Variants in URGCP observed in about 807,000 individuals in gnomAD.
The protein encoded by URGCP is upregulator of cell proliferation, also known as up-regulator of cell proliferation.
A neutral mutation model predicts 24.6 loss-of-function variants in URGCP; 13 were observed. That is an observed-to-expected ratio of 0.53 (90% confidence interval 0.34 to 0.84). URGCP has a LOEUF of 0.84. Among genes scored for constraint, URGCP ranks in the 40% least tolerant of loss-of-function variants. The pLI is 0.01. For synonymous variants in URGCP, 444 were observed against 487.2 expected, an observed-to-expected ratio of 0.91 and a Z score of 1.17; for missense variants, 899 against 1,194.3, an observed-to-expected ratio of 0.75 and a Z score of 3.64.
intron 1 of URGCP, among the ~76,000 whole-genome samples, chr7:43,892,734 A>G (rs2132681070): frequency 6.6e-6 from 1 of 152,326 alleles, no homozygotes; most frequent in Middle Eastern, 3.4e-3. Flanking sequence ...GGGGGACACA[A>G]GTCAACACAC....
At chr7:43,922,176 C>G (rs1450363908) in intron 1 of URGCP, among the ~76,000 whole-genome samples, 1 of 152,162 alleles carries the variant, frequency 6.6e-6, no homozygotes, top group Non-Finnish European at 1.5e-5. Context: ...GCGATTCTGC[C>G]TCAGCCTCCC....
At chr7:43,926,660 G>T (rs1260586896), upstream of URGCP, 1 of 1,271,440 alleles carries the variant, frequency 7.9e-7, no homozygotes, top group Non-Finnish European at 1.1e-6. Flanking sequence ...TCCGCGAGTC[G>T]CGGATACACC....
At chr7:43,907,308 A>C (rs879248242), upstream of URGCP, among the ~76,000 whole-genome samples, 1 of 152,222 alleles carries the variant, frequency 6.6e-6, no homozygotes, top group Admixed American at 6.5e-5. Flanking sequence ...GGACAATGTA[A>C]ACCATTGTTG....
upstream of URGCP, among the ~76,000 whole-genome samples, chr7:43,908,569 C>G (rs932102716): frequency 2.6e-5 from 4 of 152,160 alleles, no homozygotes; most frequent in Admixed American, 2.6e-4. Flanking sequence ...CCAGACCCTC[C>G]AAGGAGAACA....
chr7:43,906,737 G>A (rs1187253998), upstream of URGCP: 3 of 242,862 alleles, frequency 1.2e-5, no homozygotes, highest in Non-Finnish European at 2.0e-5. Flanking sequence ...GGGTCCTCTC[G>A]GAGCAGCCCG....
chr7:43,882,060 A>C (rs2095854749), intron 3 of URGCP, 103 bp from the exon 4 acceptor site: 2 of 1,564,192 alleles, frequency 1.3e-6, no homozygotes, highest in Non-Finnish European at 1.7e-6. Context: ...GCACTTTAGG[A>C]GGCTGAACAA....
chr7:43,888,156 G>A, intron 1 of URGCP: 1 of 201,126 alleles, frequency 5.0e-6, no homozygotes, highest in Non-Finnish European at 9.9e-6. Context: ...GTCTGGAAGG[G>A]GTGATCCTGA....
intron 1 of URGCP, among the ~76,000 whole-genome samples, chr7:43,916,051 C>T (rs1198814299): frequency 6.6e-6 from 1 of 152,124 alleles, no homozygotes; most frequent in African/African-American, 2.4e-5. Flanking sequence ...AACTCATTTG[C>T]ATAAGAATAA....
At chr7:43,915,906 G>A (rs1308562536) in intron 1 of URGCP, among the ~76,000 whole-genome samples, 1 of 152,178 alleles carries the variant, frequency 6.6e-6, no homozygotes, top group Non-Finnish European at 1.5e-5. Context: ...CTACTCGGGA[G>A]GCTGAGGCAG....
At chr7:43,903,845 C>G (rs183152263) in intron 1 of URGCP, among the ~76,000 whole-genome samples, 183 of 152,264 alleles carry the variant, frequency 1.2e-3, no homozygotes, top group Admixed American at 3.7e-3. Context: ...TGTGACCATG[C>G]AGAGAACATG....
intron 1 of URGCP, chr7:43,888,042 A>G: frequency 1.9e-6 from 1 of 533,286 alleles, no homozygotes; most frequent in South Asian, 2.4e-5. Flanking sequence ...CAGGCTACAG[A>G]AAAGTATGCA....
At chr7:43,890,606 G>A (rs912647171) in intron 1 of URGCP, among the ~76,000 whole-genome samples, 2 of 152,192 alleles carry the variant, frequency 1.3e-5, no homozygotes, top group Non-Finnish European at 2.9e-5. Flanking sequence ...AGCCCCCAGG[G>A]TGTGGTGTCA....
At position 43,878,337 on chromosome 7, in the gene URGCP, T is replaced by G; in HGVS notation, c.1126A>C (p.Met376Leu). The G allele has an allele frequency of 6.2e-7, 1 of 1,614,228 alleles. No individual in the cohort carries two copies. Among genetic ancestry groups the G allele is most frequent in the African/African-American group, 1.3e-5 (1 of 75,058 alleles). Residue 376 changes from methionine (M) to leucine (L), a missense_variant, in exon 6 of 6, where the codon ATG becomes CTG. Coordinates refer to ENST00000453200, the MANE Select transcript of URGCP (RefSeq NM_001077663.3). The surrounding 1 kb of genome is among the most constrained non-coding windows in gnomAD (Gnocchi z 5.6). ...TAGTATTTTGTGGTTGACTCCTTCATGGAGTACAGCAATTTGTATTCCTTC... is the reference window on the plus strand; with the variant it reads ...TAGTATTTTGTGGTTGACTCCTTCAGGGAGTACAGCAATTTGTATTCCTTC... ...SKKEYKLLYSMKESTTKYYFI... is the reference protein window; with the variant it reads ...SKKEYKLLYSLKESTTKYYFI...
chr7:43,877,129 G>C lies in URGCP; in HGVS notation c.2334C>G (p.Leu778=), dbSNP rs889360652. 3 of 1,614,132 alleles carry C rather than the reference G, an allele frequency of 1.9e-6. No homozygotes were observed. Among genetic ancestry groups the C allele is most frequent in the Non-Finnish European group, 2.5e-6 (3 of 1,179,982 alleles). Residue 778 remains leucine (L), a synonymous_variant, in exon 6 of 6, where the codon CTC becomes CTG. Transcript: ENST00000453200. ...TCACGGTGACATTGCTCAGTCCCATGAGCAGAGTGGCCAAGGAAGCCTCCA... is the reference window on the plus strand; with the variant it reads ...TCACGGTGACATTGCTCAGTCCCATCAGCAGAGTGGCCAAGGAAGCCTCCA... The part of the protein sequence containing the change: ...FELEASLATL[L]MGLSNVTVIS...
intron 1 of URGCP, among the ~76,000 whole-genome samples, chr7:43,894,334 A>T (rs2095875273): frequency 6.6e-6 from 1 of 152,132 alleles, no homozygotes; most frequent in Non-Finnish European, 1.5e-5. Flanking sequence ...CACAAAATAA[A>T]TCAACAAATT....
chr7:43,903,657 G>C (rs1190440789), intron 1 of URGCP, among the ~76,000 whole-genome samples: 1 of 152,072 alleles, frequency 6.6e-6, no homozygotes, highest in African/African-American at 2.4e-5. Flanking sequence ...TTAAGGATAA[G>C]AGCCCCTTTG....
chr7:43,916,282 G>A (rs993780112), intron 1 of URGCP, among the ~76,000 whole-genome samples: 2 of 152,086 alleles, frequency 1.3e-5, no homozygotes, highest in African/African-American at 2.4e-5. Flanking sequence ...GCTTCTCTAC[G>A]CTACAGGCTT....
chr7:43,912,938 C>T (rs1210617132), intron 1 of URGCP, among the ~76,000 whole-genome samples: 3 of 152,074 alleles, frequency 2.0e-5, no homozygotes, highest in Non-Finnish European at 4.4e-5. Context: ...GCAACCTCCA[C>T]CTCCCGGGTT....
chr7:43,919,392 G>A (rs2095919416), intron 1 of URGCP: 1 of 864,722 alleles, frequency 1.2e-6, no homozygotes, highest in Admixed American at 1.7e-5. Flanking sequence ...CAACCAGCTG[G>A]TGTCCACCAT....
Sources: gnomAD v4.1 joint callset for allele counts (sites outside exome capture counted in the v4.1 genomes callset) on GRCh38, gnomAD v4.1.1 for gene constraint, Gnocchi (gnomAD v3.1) non-coding constraint, MANE v1.5 for transcripts, NCBI Gene and HGNC (gene_info 2026-07-23, HGNC 2026-07-21) for gene names.